The following CEACAM6 variants were observed in gnomAD, a reference collection of about 807,000 sequenced individuals.
The protein encoded by CEACAM6 is CEA cell adhesion molecule 6.
Under a neutral mutation model 32.4 loss-of-function variants are expected in CEACAM6, and 21 were observed. The observed-to-expected ratio is 0.65, with a 90% CI of 0.46 to 0.93. The LOEUF is 0.93. CEACAM6 is among the 40% of genes least tolerant of loss of function. The pLI, the probability that CEACAM6 is intolerant of heterozygous loss-of-function variation, is 0.00. For missense variants in CEACAM6, 406 were observed against 432.2 expected (o/e 0.94, Z 0.54); for synonymous variants, 184 against 174.4 (o/e 1.06, Z -0.43).
At position 41,756,739 on chromosome 19, in the gene CEACAM6, C is replaced by T; in HGVS notation, c.204C>T (p.Tyr68=). The stretch of plus-strand genomic sequence containing the variant: ...AGAATCGTATTGGTTACAGCTGGTA[C>T]AAAGGCGAAAGAGTGGATGGCAACA... ...LPQNRIGYSW[Y]KGERVDGNSL... The change falls in exon 2 of 6, where the codon TAC becomes TAT. Residue 68 remains tyrosine (Y), a synonymous_variant. Coordinates refer to ENST00000199764, the MANE Select transcript of CEACAM6 (RefSeq NM_002483.7). The T allele has an allele frequency of 6.2e-7, 1 of 1,614,060 alleles. No individual in the cohort carries two copies. The highest frequency in any genetic ancestry group is 8.5e-7 in the Non-Finnish European group (1 of 1,180,024).
intron 5 of CEACAM6, among the ~76,000 whole-genome samples, chr19:41,766,735 A>G (rs1189308727): frequency 6.6e-6 from 1 of 152,138 alleles, no homozygotes; most frequent in Non-Finnish European, 1.5e-5. Context: ...GGCCAGGCAC[A>G]GTGGCTTATG....
At chr19:41,766,768 A>G (rs1303847242) in intron 5 of CEACAM6, among the ~76,000 whole-genome samples, 1 of 152,136 alleles carries the variant, frequency 6.6e-6, no homozygotes, top group African/African-American at 2.4e-5. Flanking sequence ...GCCCCTTGGG[A>G]GGCCGAGGTG....
chr19:41,768,934 G>A (rs1482171645), intron 5 of CEACAM6, among the ~76,000 whole-genome samples: 1 of 152,110 alleles, frequency 6.6e-6, no homozygotes, highest in African/African-American at 2.4e-5. Context: ...TGTTTGGTGG[G>A]GGGGTTGTTT....
intron 1 of CEACAM6, 39 bp downstream of exon 1, chr19:41,755,741 A>G (rs1600493590): frequency 1.3e-6 from 2 of 1,560,364 alleles, no homozygotes; most frequent in Non-Finnish European, 1.7e-6. Flanking sequence ...GGGAGGAGGG[A>G]GCACAGAGAC....
chr19:41,760,294 A>T (rs2122914938), intron 2 of CEACAM6, among the ~76,000 whole-genome samples: 1 of 152,328 alleles, frequency 6.6e-6, no homozygotes, highest in Non-Finnish European at 1.5e-5. Flanking sequence ...TGCATTTAGC[A>T]TAATGTCCAA....
At chr19:41,762,275 C>A in intron 4 of CEACAM6, 52 bp downstream of exon 4, 1 of 1,579,120 alleles carries the variant, frequency 6.3e-7, no homozygotes, top group Non-Finnish European at 8.6e-7. Context: ...GAGTCTGGCT[C>A]TCAGAGAAGA....
chr19:41,771,713 C>A lies in CEACAM6; in HGVS notation c.*952C>A, dbSNP rs1351973723. 1.3e-5 allele frequency: 2 copies of A among 152,206 alleles called. No individual in the cohort carries two copies. Among genetic ancestry groups the A allele is most frequent in the African/African-American group, 4.8e-5 (2 of 41,452 alleles). The allele number at this position is 152,206 out of a possible 1,614,324, so 9.4% of individuals were successfully genotyped here. A position where few individuals can be genotyped will look rare whatever the true frequency, so the allele number is the denominator to read the frequency against. ...AGCCATCAAATAGTGAATGGTCTCT[C>A]TTTGGCTGGAATTACAAAACTCAGA... On this transcript the variant is annotated 3_prime_UTR_variant, in exon 6 of 6. Transcript: ENST00000199764.
chr19:41,764,957 G>A (rs1264233073), intron 4 of CEACAM6, among the ~76,000 whole-genome samples: 5 of 152,204 alleles, frequency 3.3e-5, no homozygotes, highest in African/African-American at 9.6e-5. Context: ...AGAAATGGGT[G>A]GAAAAAATGA....
chr19:41,760,855 C>G (rs2072918241), intron 2 of CEACAM6, among the ~76,000 whole-genome samples: 1 of 151,490 alleles, frequency 6.6e-6, no homozygotes. Context: ...GAAAATACAG[C>G]TAGGGGGGCA....
intron 5 of CEACAM6, among the ~76,000 whole-genome samples, 172 bp downstream of exon 5, chr19:41,766,471 G>A (rs1312390766): frequency 6.6e-6 from 1 of 152,096 alleles, no homozygotes; most frequent in Non-Finnish European, 1.5e-5. Context: ...CATGCTCCCT[G>A]TACCCCACTG....
rs1555821830 is a variant in CEACAM6, at chr19:41,761,349, C to T, written c.525C>T (p.Thr175=). The change falls in exon 3 of 6, where the codon ACC becomes ACT. Residue 175 remains threonine (T), a synonymous_variant. Transcript: ENST00000199764. ...GTGAACCTGAGGTTCAGAACACAAC[C>T]TACCTGTGGTGGGTAAATGGTCAGA... ...FTCEPEVQNT[T]YLWWVNGQSL... is the part of the protein sequence containing the mutation. The T allele has an allele frequency of 1.9e-6, 3 of 1,614,120 alleles. No homozygotes were observed. Among genetic ancestry groups the T allele is most frequent in the Non-Finnish European group, 2.5e-6 (3 of 1,180,054 alleles).
At chr19:41,764,587 C>T (rs2072946069) in intron 4 of CEACAM6, among the ~76,000 whole-genome samples, 1 of 152,226 alleles carries the variant, frequency 6.6e-6, no homozygotes, top group Non-Finnish European at 1.5e-5. Flanking sequence ...ACCATGCCCC[C>T]ATTTTCATTT....
chr19:41,762,108 A>G lies in CEACAM6; in HGVS notation c.843A>G (p.Thr281=), dbSNP rs781907323. Residue 281 remains threonine, a synonymous_variant, in exon 4 of 6, where the codon ACA becomes ACG. Coordinates refer to ENST00000199764, the MANE Select transcript of CEACAM6 (RefSeq NM_002483.7). ...TCAATGGGACGTTCCAGCAATCCAC[A>G]CAAGAGCTCTTTATCCCCAACATCA... The part of the protein sequence containing the change: ...WFINGTFQQS[T]QELFIPNITV... The G allele has an allele frequency of 1.4e-5, 22 of 1,614,142 alleles. No homozygotes were observed. Among genetic ancestry groups the G allele is most frequent in the Non-Finnish European group, 1.7e-5 (20 of 1,180,018 alleles).
intron 5 of CEACAM6, among the ~76,000 whole-genome samples, chr19:41,766,874 C>A (rs1328786804): frequency 1.3e-5 from 2 of 151,836 alleles, no homozygotes; most frequent in African/African-American, 2.4e-5. Context: ...GGCATGGTGG[C>A]GAGCACCTGT....
chr19:41,766,646 G>C (rs2072957974), intron 5 of CEACAM6, among the ~76,000 whole-genome samples: 1 of 152,028 alleles, frequency 6.6e-6, no homozygotes, highest in African/African-American at 2.4e-5. Flanking sequence ...TTGTTGTAAG[G>C]TTGGAATCCT....
intron 1 of CEACAM6, 147 bp from the exon 2 acceptor site, chr19:41,756,453 G>GAC (rs4060857): frequency 0.079 from 72,116 of 910,520 alleles, 475 homozygotes; most frequent in Non-Finnish European, 0.086. Context: ...GACTCAGTAG[G>GAC]ACACACACAC....
chr19:41,768,102 T>TA (rs1428332732), intron 5 of CEACAM6, among the ~76,000 whole-genome samples: 1 of 152,072 alleles, frequency 6.6e-6, no homozygotes, highest in Non-Finnish European at 1.5e-5. Context: ...TATTTTTTTT[T>TA]ATTGATCATT....
At chr19:41,761,561 G>T (rs1328287798) in intron 3 of CEACAM6, 34 bp downstream of exon 3, 6 of 1,608,424 alleles carry the variant, frequency 3.7e-6, no homozygotes, top group African/African-American at 1.3e-5. Flanking sequence ...GGCCCAGGCT[G>T]CCAGCCCAAA....
Position 41,771,263 on chromosome 19 carries a change from A to C in CEACAM6, c.*502A>C, listed in dbSNP as rs782150807. On this transcript the variant is annotated 3_prime_UTR_variant, in exon 6 of 6. Transcript: ENST00000199764. ...GATCCTTTAGTGCACCCAGTGACTG[A>C]CATTAGCAGCATCTTTAACACAGCC... 6.6e-6 allele frequency: 1 copy of C among 152,230 alleles called. No homozygotes were observed. The highest frequency in any genetic ancestry group is 1.5e-5 in the Non-Finnish European group (1 of 68,032). 9.4% of individuals were successfully genotyped at this position (152,230 alleles called of 1,614,324 possible). A position where few individuals can be genotyped will look rare whatever the true frequency, so the allele number is the denominator to read the frequency against.
Sources: gnomAD v4.1 joint callset for allele counts (sites outside exome capture counted in the v4.1 genomes callset) on GRCh38, gnomAD v4.1.1 for gene constraint, MANE v1.5 for transcripts, NCBI Gene and HGNC (gene_info 2026-07-23, HGNC 2026-07-21) for gene names.